The following KCNQ3 variants were observed in gnomAD, a reference collection of about 807,000 sequenced individuals.
KCNQ3 encodes the protein potassium voltage-gated channel subfamily Q member 3.
In KCNQ3, 30 loss-of-function variants were observed where a neutral mutation model predicts 92.5. The observed-to-expected ratio is 0.32, with a 90% confidence interval of 0.24 to 0.44. The LOEUF (loss-of-function observed/expected upper bound fraction) is 0.44. Among genes scored for constraint, KCNQ3 ranks in the 20% least tolerant of loss-of-function variants. KCNQ3 has a pLI of 1.00. For synonymous variants in KCNQ3, 450 were observed against 468.8 expected (o/e 0.96, Z 0.52); for missense variants, 913 against 1,140.3 (o/e 0.80, Z 2.87).
intron 1 of KCNQ3, among the ~76,000 whole-genome samples, chr8:132,416,017 C>T (rs1253311076): frequency 6.6e-6 from 1 of 152,206 alleles, no homozygotes; most frequent in Non-Finnish European, 1.5e-5. Context: ...GGTCATATGA[C>T]TCACCCCAGG....
At chr8:132,193,370 T>C (rs958514779) in intron 1 of KCNQ3, among the ~76,000 whole-genome samples, 1 of 152,230 alleles carries the variant, frequency 6.6e-6, no homozygotes, top group Non-Finnish European at 1.5e-5. Context: ...GCTTTGTAGC[T>C]GCACGTGGCT....
At chr8:132,205,328 T>A (rs1043044592) in intron 1 of KCNQ3, among the ~76,000 whole-genome samples, 2 of 152,216 alleles carry the variant, frequency 1.3e-5, no homozygotes, top group African/African-American at 4.8e-5. Flanking sequence ...CAAACCAAAG[T>A]CCATTCAGCT....
At chr8:132,221,911 T>C (rs982164871) in intron 1 of KCNQ3, among the ~76,000 whole-genome samples, 1 of 152,150 alleles carries the variant, frequency 6.6e-6, no homozygotes, top group African/African-American at 2.4e-5. Flanking sequence ...ATACAAAAAT[T>C]AATTCAAGAT....
Position 132,320,903 on chromosome 8 carries a change from C to G in KCNQ3, c.387-134722G>C, listed in dbSNP as rs146860797. Among the ~76,000 whole-genome samples the G allele has an allele frequency of 6.5e-3, 993 of 152,306 alleles. 9 individuals carry two copies. The highest frequency in any genetic ancestry group is 0.022 in the African/African-American group (909 of 41,560). ...ACAGTGAGAACTTCCTTTTCACCCACAGTCCTTAGGGTTTTTCAGCTCTAG... is the reference window on the plus strand; with the variant it reads ...ACAGTGAGAACTTCCTTTTCACCCAGAGTCCTTAGGGTTTTTCAGCTCTAG... On this transcript the variant is annotated intron_variant, in intron 1 of 14. Coordinates refer to ENST00000388996, the MANE Select transcript of KCNQ3 (RefSeq NM_004519.4).
intron 1 of KCNQ3, among the ~76,000 whole-genome samples, chr8:132,209,543 A>AC (rs760196715): frequency 0.16 from 18,034 of 114,834 alleles, 1,181 homozygotes; most frequent in African/African-American, 0.23. Flanking sequence ...ACACACACAC[A>AC]AACACACACA....
At chr8:132,205,195 G>A (rs1409932079) in intron 1 of KCNQ3, among the ~76,000 whole-genome samples, 3 of 152,144 alleles carry the variant, frequency 2.0e-5, no homozygotes, top group Admixed American at 6.5e-5. Flanking sequence ...AGATAAGAAG[G>A]TAAACCTTGA....
intron 1 of KCNQ3, among the ~76,000 whole-genome samples, chr8:132,321,884 G>A (rs548155194): frequency 3.3e-5 from 5 of 152,236 alleles, no homozygotes; most frequent in South Asian, 2.1e-4. Flanking sequence ...TGTACTGGCC[G>A]GGCCCTGGGC....
At chr8:132,332,247 C>T (rs1453464001) in intron 1 of KCNQ3, among the ~76,000 whole-genome samples, 1 of 152,202 alleles carries the variant, frequency 6.6e-6, no homozygotes, top group African/African-American at 2.4e-5. Context: ...AGCCTGGAAG[C>T]AGACTGTTCC....
At chr8:132,163,550 C>T (rs756281780) in intron 8 of KCNQ3, 56 bp from the exon 9 acceptor site, 3 of 1,399,996 alleles carry the variant, frequency 2.1e-6, no homozygotes, top group Non-Finnish European at 3.0e-6. Flanking sequence ...ACAGCTGTAT[C>T]CTTCCTCGAA....
At chr8:132,238,124 G>C (rs986860311) in intron 1 of KCNQ3, among the ~76,000 whole-genome samples, 1 of 152,080 alleles carries the variant, frequency 6.6e-6, no homozygotes, top group African/African-American at 2.4e-5. Flanking sequence ...GTAAAACAGG[G>C]GGTCCCAATA....
chr8:132,408,296 C>T (rs1391067014), intron 1 of KCNQ3, among the ~76,000 whole-genome samples: 1 of 152,124 alleles, frequency 6.6e-6, no homozygotes. Flanking sequence ...TTGCCAAGTA[C>T]TGCTGTGGAG....
chr8:132,257,148 T>G (rs747305540), intron 1 of KCNQ3, among the ~76,000 whole-genome samples: 9 of 152,102 alleles, frequency 5.9e-5, no homozygotes, highest in Non-Finnish European at 1.3e-4. Context: ...AATTTTTTTG[T>G]AAACTATTAA....
rs886062698 is a variant in KCNQ3, at chr8:132,480,679, C to CCCA, written c.-148_-147insTGG. 1.1e-4 allele frequency: 94 copies of CCCA among 865,080 alleles called. No homozygotes were observed. The highest frequency in any genetic ancestry group is 1.3e-4 in the Non-Finnish European group (91 of 709,424). 53.6% of individuals were successfully genotyped at this position (865,080 alleles called of 1,614,324 possible). ...CCGCGCGCCCCTCCCCACCCCCCCC[C>CCCA]AAAAGCAGGCAAAGGCGGGCCCCCT... is the stretch of plus-strand genomic sequence containing the variant. On this transcript the variant is annotated 5_prime_UTR_variant, in exon 1 of 15. Coordinates refer to ENST00000388996, the MANE Select transcript of KCNQ3 (RefSeq NM_004519.4).
At chr8:132,249,635 G>T (rs867093224) in intron 1 of KCNQ3, among the ~76,000 whole-genome samples, 3 of 152,212 alleles carry the variant, frequency 2.0e-5, no homozygotes, top group African/African-American at 4.8e-5. Flanking sequence ...TGAGCTGCCC[G>T]CCAGTCCCAC....
intron 1 of KCNQ3, among the ~76,000 whole-genome samples, chr8:132,205,212 A>C (rs911612138): frequency 5.3e-5 from 8 of 152,254 alleles, no homozygotes; most frequent in African/African-American, 1.9e-4. Flanking sequence ...TTGAACAATC[A>C]GAAGAGAGAA....
At chr8:132,237,043 T>C (rs1814838765) in intron 1 of KCNQ3, among the ~76,000 whole-genome samples, 1 of 152,202 alleles carries the variant, frequency 6.6e-6, no homozygotes, top group Non-Finnish European at 1.5e-5. Context: ...AGCTAACACC[T>C]TGATTGCAGA....
intron 14 of KCNQ3, among the ~76,000 whole-genome samples, chr8:132,131,841 A>G (rs1259533513): frequency 2.0e-5 from 3 of 152,126 alleles, no homozygotes; most frequent in Admixed American, 1.3e-4. Flanking sequence ...TAATCCCAGC[A>G]CTTTGGTAGG....
intron 1 of KCNQ3, among the ~76,000 whole-genome samples, chr8:132,463,245 T>TA (rs1284000818): frequency 6.6e-6 from 1 of 152,072 alleles, no homozygotes; most frequent in Non-Finnish European, 1.5e-5. Flanking sequence ...TAACAAGAAG[T>TA]ATTTGGAATA....
intron 1 of KCNQ3, among the ~76,000 whole-genome samples, chr8:132,334,929 CT>C (rs1818324845): frequency 6.6e-6 from 1 of 152,224 alleles, no homozygotes; most frequent in African/African-American, 2.4e-5. Flanking sequence ...TTTATTCCCC[CT>C]CTTTCAGCCA....
Sources: gnomAD v4.1 joint callset for allele counts (sites outside exome capture counted in the v4.1 genomes callset) on GRCh38, gnomAD v4.1.1 for gene constraint, MANE v1.5 for transcripts, NCBI Gene and HGNC (gene_info 2026-07-23, HGNC 2026-07-21) for gene names.